Variants in PAM observed in about 807,000 individuals in gnomAD.
The protein encoded by PAM is peptidylglycine alpha-amidating monooxygenase.
Under a neutral mutation model 122.1 loss-of-function variants are expected in PAM, and 72 were observed. The observed-to-expected ratio is 0.59, with a 90% CI of 0.49 to 0.72. PAM has a LOEUF of 0.72. Among genes scored for constraint, PAM ranks in the 30% least tolerant of loss-of-function variants. The pLI is 0.00. For synonymous variants in PAM, 389 were observed against 404.4 expected (o/e 0.96, Z 0.46); for missense variants, 1,106 against 1,183.7 (o/e 0.93, Z 0.96).
At position 102,914,030 on chromosome 5, in the gene PAM, A is replaced by G. The variant is rs199532309; in HGVS notation, c.356+9A>G. 1,887 of 1,458,200 alleles carry G rather than the reference A, an allele frequency of 1.3e-3. 34 individuals carry two copies. The South Asian group carries it at 0.02, about 16-fold the overall frequency. The allele number at this position is 1,458,200 out of a possible 1,614,324, so 90.3% of individuals were successfully genotyped here. On this transcript the variant is annotated intron_variant, in intron 5 of 25. Coordinates refer to ENST00000438793, the MANE Select transcript of PAM (RefSeq NM_001177306.2). ...TCCACTGGAAGTTACTGGTAAGGAT[A>G]ATGGGTTTACAGTATAGAAGGGTGT...
Position 102,867,253 on chromosome 5 carries a change from A to T in PAM, c.90-20A>T, listed in dbSNP as rs1166463963. On this transcript the variant is annotated intron_variant, in intron 2 of 25. Coordinates refer to ENST00000438793, the MANE Select transcript of PAM (RefSeq NM_001177306.2). The stretch of plus-strand genomic sequence containing the variant: ...GATTCCATTATGTTCAAGAATATTG[A>T]AATTGCCCTCTTTTTTAAGGTTTAA... The T allele has an allele frequency of 6.4e-7, 1 of 1,560,382 alleles. No homozygotes were observed. The highest frequency in any genetic ancestry group is 1.4e-5 in the African/African-American group (1 of 73,752).
At chr5:102,986,211 T>C (rs977377743) in intron 15 of PAM, among the ~76,000 whole-genome samples, 2 of 152,288 alleles carry the variant, frequency 1.3e-5, no homozygotes, top group Non-Finnish European at 2.9e-5. Context: ...CTATTCCGCA[T>C]AGTACTAGAA....
At chr5:102,935,244 C>G (rs560661620) in intron 7 of PAM, among the ~76,000 whole-genome samples, 1 of 152,092 alleles carries the variant, frequency 6.6e-6, no homozygotes, top group African/African-American at 2.4e-5. Context: ...ACTAATGTAT[C>G]AGATATGTGT....
intron 14 of PAM, among the ~76,000 whole-genome samples, chr5:102,962,873 C>G (rs1762908621): frequency 6.6e-6 from 1 of 151,426 alleles, no homozygotes; most frequent in South Asian, 2.1e-4. Context: ...TCTATATACC[C>G]AAATATACAA....
chr5:103,029,049 C>CA lies in PAM; in HGVS notation c.2907dup (p.Pro970ThrfsTer10), dbSNP rs1583069377. The CA allele has an allele frequency of 6.2e-7, 1 of 1,605,230 alleles. No homozygotes were observed. Among genetic ancestry groups the CA allele is most frequent in the Non-Finnish European group, 8.5e-7 (1 of 1,177,502 alleles). On this transcript the variant is annotated frameshift_variant, in exon 26 of 26. Coordinates refer to ENST00000438793, the MANE Select transcript of PAM (RefSeq NM_001177306.2). LOFTEE classifies it high-confidence loss of function. ...TATTCAGCACCTCTGCCTGCGCTCGCACCTTCCTCCTCCTGAAAACCAAGC... is the reference window on the plus strand; with the variant it reads ...TATTCAGCACCTCTGCCTGCGCTCGCAACCTTCCTCCTCCTGAAAACCAAGC...
At chr5:102,916,626 T>TTA (rs10550198) in intron 5 of PAM, among the ~76,000 whole-genome samples, 2,051 of 143,902 alleles carry the variant, frequency 0.014, 21 homozygotes, top group South Asian at 0.019. Context: ...TCAGGCCTTT[T>TTA]TATATATATA....
chr5:102,903,751 C>T (rs1034112329), intron 4 of PAM, among the ~76,000 whole-genome samples: 1 of 151,452 alleles, frequency 6.6e-6, no homozygotes, highest in Non-Finnish European at 1.5e-5. Context: ...TTAACCTAGT[C>T]GTACTTCAGA....
intron 14 of PAM, among the ~76,000 whole-genome samples, chr5:102,967,113 G>C (rs887640789): frequency 6.6e-5 from 10 of 151,974 alleles, no homozygotes; most frequent in Admixed American, 3.9e-4. Context: ...GTACATCAGA[G>C]AAATTTCCAT....
chr5:102,984,346 T>C (rs1335062841), intron 15 of PAM, among the ~76,000 whole-genome samples: 2 of 152,150 alleles, frequency 1.3e-5, no homozygotes, highest in Admixed American at 6.5e-5. Flanking sequence ...AAAAACTCAC[T>C]TCACCTGTAA....
chr5:102,775,940 A>G (rs1757055572), intron 1 of PAM, among the ~76,000 whole-genome samples: 1 of 152,184 alleles, frequency 6.6e-6, no homozygotes, highest in Non-Finnish European at 1.5e-5. Context: ...TGGTTGAACT[A>G]ATTTACATTC....
At chr5:102,855,359 T>C (rs1226804165) in intron 1 of PAM, among the ~76,000 whole-genome samples, 2 of 152,190 alleles carry the variant, frequency 1.3e-5, no homozygotes, top group African/African-American at 4.8e-5. Context: ...ATAGCAAAAC[T>C]TTTATAATAG....
chr5:102,883,123 T>C (rs1417824054), intron 3 of PAM, among the ~76,000 whole-genome samples: 1 of 152,042 alleles, frequency 6.6e-6, no homozygotes, highest in African/African-American at 2.4e-5. Flanking sequence ...GAGTACGGCC[T>C]CATAGTATAG....
intron 3 of PAM, among the ~76,000 whole-genome samples, chr5:102,882,106 T>C (rs199593355): frequency 0.055 from 4,818 of 87,374 alleles, 691 homozygotes; most frequent in East Asian, 0.25. Flanking sequence ...TATATATATA[T>C]ATATACACCA....
intron 1 of PAM, among the ~76,000 whole-genome samples, chr5:102,761,753 A>G (rs951312950): frequency 1.3e-5 from 2 of 152,230 alleles, no homozygotes; most frequent in Non-Finnish European, 2.9e-5. Flanking sequence ...TATCTTTTAG[A>G]ACTCTTTTGA....
chr5:102,968,332 A>G (rs539042562), intron 14 of PAM, among the ~76,000 whole-genome samples: 174 of 152,326 alleles, frequency 1.1e-3, no homozygotes, highest in African/African-American at 4.0e-3. Context: ...GGCAACTGTC[A>G]TTCTGACCGT....
chr5:102,842,743 G>T (rs960975131), intron 1 of PAM, among the ~76,000 whole-genome samples: 5 of 152,216 alleles, frequency 3.3e-5, no homozygotes, highest in African/African-American at 1.2e-4. Flanking sequence ...AACAACAACA[G>T]TGTAATGAGT....
At chr5:102,777,345 T>C (rs56383949) in intron 1 of PAM, among the ~76,000 whole-genome samples, 4,824 of 152,136 alleles carry the variant, frequency 0.032, 113 homozygotes, top group South Asian at 0.07. Flanking sequence ...CTCTCCTTTT[T>C]CCCCATAAAC....
At chr5:103,013,438 C>T (rs1447087913) in intron 21 of PAM, among the ~76,000 whole-genome samples, 2 of 152,102 alleles carry the variant, frequency 1.3e-5, no homozygotes, top group African/African-American at 4.8e-5. Context: ...CTGAATTTAT[C>T]ACTTCTAATA....
intron 1 of PAM, among the ~76,000 whole-genome samples, chr5:102,823,440 A>G (rs1772657514): frequency 6.6e-6 from 1 of 152,196 alleles, no homozygotes; most frequent in African/African-American, 2.4e-5. Flanking sequence ...TTTTCTCCTT[A>G]AAGTATTTCA....
Sources: allele counts gnomAD v4.1 joint callset (sites outside exome capture counted in the v4.1 genomes callset), GRCh38; gene constraint gnomAD v4.1.1; transcripts MANE v1.5; gene names NCBI Gene and HGNC (gene_info 2026-07-23, HGNC 2026-07-21).